IMMP2L: variants seen among roughly 807,000 people sequenced by gnomAD.
IMMP2L encodes inner mitochondrial membrane peptidase subunit 2.
In IMMP2L, 18 loss-of-function variants were observed where a neutral mutation model predicts 19.3. That is an observed-to-expected ratio of 0.93 (90% CI 0.64 to 1.38). IMMP2L has a LOEUF of 1.38. IMMP2L is among the 40% of genes most tolerant of loss of function. IMMP2L has a pLI of 0.00. For missense variants in IMMP2L, 233 were observed against 218.2 expected (o/e 1.07, Z -0.43); for synonymous variants, 76 against 73.0 (o/e 1.04, Z -0.21).
At chr7:111,151,388 G>A (rs1425644820) in intron 3 of IMMP2L, among the ~76,000 whole-genome samples, 1 of 152,002 alleles carries the variant, frequency 6.6e-6, no homozygotes, top group African/African-American at 2.4e-5. Context: ...TTCAACATGT[G>A]GGAAACTACA....
chr7:111,546,347 ATT>A (rs1848930290), intron 1 of IMMP2L, among the ~76,000 whole-genome samples: 1 of 152,048 alleles, frequency 6.6e-6, no homozygotes, highest in East Asian at 1.9e-4. Flanking sequence ...TGTTTTCAAA[ATT>A]TGTTTCTTTG....
rs184007252 is a variant in IMMP2L, at chr7:111,155,088, G to A, written c.240-191523C>T. On this transcript the variant is annotated intron_variant, in intron 3 of 5. Transcript: ENST00000405709. The stretch of plus-strand genomic sequence containing the variant: ...GTTATTATTAAAATTCTGCTGGGGA[G>A]GAGAGATATATTCAAAGACGTATGG... 5.3e-5 allele frequency among the ~76,000 whole-genome samples: 8 copies of A among 152,148 alleles called. No individual in the cohort carries two copies. In the East Asian group the frequency reaches 1.5e-3, roughly 29 times the overall value.
chr7:110,979,843 A>T (rs1347215919), intron 3 of IMMP2L, among the ~76,000 whole-genome samples: 3 of 152,190 alleles, frequency 2.0e-5, no homozygotes, highest in Non-Finnish European at 4.4e-5. Flanking sequence ...TTCTCAAGTT[A>T]GATAATGTTA....
intron 3 of IMMP2L, among the ~76,000 whole-genome samples, chr7:111,442,657 CAACT>C (rs973390332): frequency 1.3e-5 from 2 of 151,670 alleles, no homozygotes; most frequent in African/African-American, 4.9e-5. Context: ...AATGTGACAA[CAACT>C]AACAAAAAAA....
At chr7:110,804,222 T>C (rs891467512) in intron 5 of IMMP2L, among the ~76,000 whole-genome samples, 3 of 152,052 alleles carry the variant, frequency 2.0e-5, no homozygotes, top group African/African-American at 7.2e-5. Context: ...ACATAGTATT[T>C]ATTTAAATGC....
rs768349153 is a variant in IMMP2L at position 111,226,380 on chromosome 7, G to A, written c.239+260858C>T. On this transcript the variant is annotated intron_variant, in intron 3 of 5. Coordinates refer to ENST00000405709, the MANE Select transcript of IMMP2L (RefSeq NM_032549.4). ...GACAAGGTCTCACTATGTTGCCCACGCTGGTCTTGAACTTCTGGCTCAAGC... is the reference window on the plus strand; with the variant it reads ...GACAAGGTCTCACTATGTTGCCCACACTGGTCTTGAACTTCTGGCTCAAGC... Among the ~76,000 whole-genome samples, 9 of 151,932 alleles carry A rather than the reference G, an allele frequency of 5.9e-5. No homozygotes were observed. The South Asian group carries it at 8.3e-4, about 14-fold the overall frequency.
At chr7:111,477,984 C>T (rs1324311746) in intron 3 of IMMP2L, among the ~76,000 whole-genome samples, 1 of 151,914 alleles carries the variant, frequency 6.6e-6, no homozygotes, top group African/African-American at 2.4e-5. Context: ...GTATTTATTC[C>T]AATAGTGCTT....
rs760377175 is a variant in IMMP2L at position 111,091,883 on chromosome 7, CAGAG to C, written c.240-128322_240-128319del. ...GGGAAGAGAGAAGACAGAGAGGAGA[CAGAG>C]AGGAGAGGAGAGTCACGGGTGATGG... On this transcript the variant is annotated intron_variant, in intron 3 of 5. Transcript: ENST00000405709. Among the ~76,000 whole-genome samples, 14 of 151,912 alleles carry C rather than the reference CAGAG, an allele frequency of 9.2e-5. No homozygotes were observed. In the South Asian group the frequency reaches 2.1e-3, roughly 23 times the overall value.
At chr7:111,033,030 G>C (rs956489611) in intron 3 of IMMP2L, among the ~76,000 whole-genome samples, 1 of 152,122 alleles carries the variant, frequency 6.6e-6, no homozygotes, top group African/African-American at 2.4e-5. Flanking sequence ...TGAGTCATGA[G>C]AATCACTTGA....
intron 3 of IMMP2L, among the ~76,000 whole-genome samples, chr7:111,058,426 CA>C (rs1403883538): frequency 4.6e-5 from 7 of 152,080 alleles, no homozygotes; most frequent in African/African-American, 1.7e-4. Context: ...TTATAAAAAA[CA>C]AGCTGAAACT....
At position 111,326,995 on chromosome 7, in the gene IMMP2L, AC is replaced by A. The variant is rs547996897; in HGVS notation, c.239+160242del. Among the ~76,000 whole-genome samples the A allele has an allele frequency of 1.9e-3, 288 of 151,906 alleles. 6 individuals carry two copies. The highest frequency in any genetic ancestry group is 2.2e-3 in the Non-Finnish European group (146 of 67,842). On this transcript the variant is annotated intron_variant, in intron 3 of 5. Coordinates refer to ENST00000405709, the MANE Select transcript of IMMP2L (RefSeq NM_032549.4). The stretch of plus-strand genomic sequence containing the variant: ...ATCAATAGATGAAAGGATAAGGAAA[AC>A]GTAGTACATTTACATACTCTAGAAT...
chr7:111,052,566 C>T (rs1301014145), intron 3 of IMMP2L, among the ~76,000 whole-genome samples: 1 of 152,146 alleles, frequency 6.6e-6, no homozygotes. Flanking sequence ...GTATACCTTA[C>T]TGTATTGATT....
At chr7:111,143,794 T>C (rs1053450126) in intron 3 of IMMP2L, among the ~76,000 whole-genome samples, 5 of 152,082 alleles carry the variant, frequency 3.3e-5, no homozygotes, top group Non-Finnish European at 7.4e-5. Context: ...CGTGAGAAAA[T>C]GCATTCTCAT....
chr7:110,799,778 G>A (rs1325588986), intron 5 of IMMP2L, among the ~76,000 whole-genome samples: 1 of 152,026 alleles, frequency 6.6e-6, no homozygotes, highest in African/African-American at 2.4e-5. Context: ...CCAAGCAGAT[G>A]GGTGATTCAC....
intron 5 of IMMP2L, among the ~76,000 whole-genome samples, chr7:110,729,309 G>T (rs1051545930): frequency 6.6e-6 from 1 of 152,182 alleles, no homozygotes; most frequent in South Asian, 2.1e-4. Context: ...TATAATCCTG[G>T]TGGAAGGTGA....
intron 1 of IMMP2L, among the ~76,000 whole-genome samples, chr7:111,530,408 G>T (rs970856201): frequency 2.0e-5 from 3 of 152,150 alleles, no homozygotes; most frequent in Non-Finnish European, 4.4e-5. Flanking sequence ...TCTTCTAGGT[G>T]ATAAGACACC....
At chr7:111,135,003 A>G (rs1168757670) in intron 3 of IMMP2L, among the ~76,000 whole-genome samples, 1 of 152,108 alleles carries the variant, frequency 6.6e-6, no homozygotes, top group Non-Finnish European at 1.5e-5. Context: ...TTTTCATTTT[A>G]TTGATAAGGA....
intron 3 of IMMP2L, among the ~76,000 whole-genome samples, chr7:111,313,781 G>T (rs1823758287): frequency 6.6e-6 from 1 of 152,108 alleles, no homozygotes; most frequent in Admixed American, 6.6e-5. Context: ...CAACAGCCAA[G>T]AAGGGTCATA....
chr7:111,089,004 G>T (rs146181998), intron 3 of IMMP2L, among the ~76,000 whole-genome samples: 33 of 152,176 alleles, frequency 2.2e-4, no homozygotes, highest in Non-Finnish European at 4.3e-4. Context: ...TTATAAAAAT[G>T]AGTATAAAAT....
Sources: allele counts gnomAD v4.1 joint callset (sites outside exome capture counted in the v4.1 genomes callset), GRCh38; gene constraint gnomAD v4.1.1; transcripts MANE v1.5; gene names NCBI Gene and HGNC (gene_info 2026-07-23, HGNC 2026-07-21).